Variants in NOL4 observed in about 807,000 individuals in gnomAD.
The protein encoded by NOL4 is cancer/testis antigen 125.
A neutral mutation model predicts 75.9 loss-of-function variants in NOL4; 17 were observed. The observed-to-expected ratio is 0.22, with a 90% confidence interval of 0.15 to 0.34. NOL4 has a LOEUF of 0.34. NOL4 is among the 10% of genes least tolerant of loss of function. The pLI, the probability that NOL4 is intolerant of heterozygous loss-of-function variation, is 1.00. For synonymous variants in NOL4, 292 were observed against 289.9 expected (o/e 1.01, Z -0.07); for missense variants, 614 against 793.5 (o/e 0.77, Z 2.72).
Position 34,083,706 on chromosome 18 carries a change from G to C in NOL4, c.772+9759C>G, listed in dbSNP as rs559859686. 2.0e-5 allele frequency among the ~76,000 whole-genome samples: 3 copies of C among 152,222 alleles called. No homozygotes were observed. The South Asian group carries it at 6.2e-4, about 32-fold the overall frequency. ...CTAGTGTCAATATTTATGGCTGAGA[G>C]GTCTTTTATGCTGTCTTCTTAATGA... is the stretch of plus-strand genomic sequence containing the variant. On this transcript the variant is annotated intron_variant, in intron 5 of 10. Coordinates refer to ENST00000261592, the MANE Select transcript of NOL4 (RefSeq NM_003787.5).
At chr18:33,883,183 G>A (rs923938014) in intron 10 of NOL4, 61 bp downstream of exon 10, 15 of 1,316,386 alleles carry the variant, frequency 1.1e-5, no homozygotes, top group Admixed American at 2.2e-5. Context: ...ATGTGCACAT[G>A]TACCCTAAAA....
intron 2 of NOL4, among the ~76,000 whole-genome samples, chr18:34,124,588 G>T (rs549040244): frequency 3.5e-4 from 53 of 152,088 alleles, no homozygotes; most frequent in Middle Eastern, 6.8e-3. Flanking sequence ...ACGCTATTAG[G>T]TGTGATGCCA....
intron 6 of NOL4, among the ~76,000 whole-genome samples, chr18:33,986,892 T>A (rs929659376): frequency 1.3e-5 from 2 of 152,060 alleles, no homozygotes; most frequent in Middle Eastern, 3.2e-3. Flanking sequence ...GTAAATAAAT[T>A]GTGGTAGATC....
At chr18:34,088,825 T>C (rs2078369605) in intron 5 of NOL4, among the ~76,000 whole-genome samples, 2 of 152,148 alleles carry the variant, frequency 1.3e-5, no homozygotes, top group Non-Finnish European at 2.9e-5. Flanking sequence ...TATGTTTTTA[T>C]TGAGTTAGGG....
intron 6 of NOL4, among the ~76,000 whole-genome samples, chr18:33,983,400 G>A (rs1340325985): frequency 6.8e-6 from 1 of 148,034 alleles, no homozygotes; most frequent in Non-Finnish European, 1.5e-5. Flanking sequence ...GGTGAGGGAT[G>A]TTGATAGTAG....
chr18:34,090,837 G>A (rs566199697), intron 5 of NOL4, among the ~76,000 whole-genome samples: 32 of 152,148 alleles, frequency 2.1e-4, no homozygotes, highest in Non-Finnish European at 4.3e-4. Context: ...GAAATAACGG[G>A]AAAACTCTTT....
intron 6 of NOL4, among the ~76,000 whole-genome samples, chr18:33,960,977 T>C (rs1440000403): frequency 6.6e-6 from 1 of 152,066 alleles, no homozygotes; most frequent in Non-Finnish European, 1.5e-5. Flanking sequence ...ATATATGTAT[T>C]TTATATGGGC....
chr18:33,861,454 TG>T (rs1412035143), intron 10 of NOL4, among the ~76,000 whole-genome samples: 2 of 152,202 alleles, frequency 1.3e-5, no homozygotes, highest in East Asian at 3.9e-4. Flanking sequence ...GATGGTAGTT[TG>T]TATTTCTGTG....
chr18:33,998,893 T>G (rs1256113073), intron 6 of NOL4, among the ~76,000 whole-genome samples: 1 of 152,122 alleles, frequency 6.6e-6, no homozygotes, highest in Non-Finnish European at 1.5e-5. Flanking sequence ...ATGCTTCACT[T>G]ACATTTTTCA....
At chr18:33,863,075 G>A (rs1407517825) in intron 10 of NOL4, among the ~76,000 whole-genome samples, 1 of 152,142 alleles carries the variant, frequency 6.6e-6, no homozygotes, top group East Asian at 1.9e-4. Context: ...TATACACCAT[G>A]GAATACTATG....
At position 33,970,032 on chromosome 18, in the gene NOL4, C is replaced by T. The variant is rs555769563; in HGVS notation, c.1057-11614G>A. On this transcript the variant is annotated intron_variant, in intron 6 of 10. Transcript: ENST00000261592. ...GGACTTGGTAAAACAAGTTACTGGA[C>T]CCATTCAGTAGGTCTACAGTGGGGT... Among the ~76,000 whole-genome samples the T allele has an allele frequency of 5.3e-5, 8 of 152,244 alleles. No individual in the cohort carries two copies. In the South Asian group the frequency reaches 1.7e-3, roughly 32 times the overall value.
chr18:34,027,919 T>C (rs181069591), intron 5 of NOL4, among the ~76,000 whole-genome samples: 1 of 152,276 alleles, frequency 6.6e-6, no homozygotes, highest in East Asian at 1.9e-4. Flanking sequence ...ATAATGAGTA[T>C]CCTTTTTATA....
intron 9 of NOL4, among the ~76,000 whole-genome samples, chr18:33,896,543 T>C (rs576878933): frequency 6.6e-6 from 1 of 152,286 alleles, no homozygotes; most frequent in Non-Finnish European, 1.5e-5. Context: ...AGATTTCCTA[T>C]TCAATAAATG....
At position 34,128,275 on chromosome 18, in the gene NOL4, C is replaced by T. The variant is rs558469391; in HGVS notation, c.414+1596G>A. ...TTGGCTGCCACACTACTATTGACAA[C>T]GAAACCACTTGATTTTTGCTTGTTA... On this transcript the variant is annotated intron_variant, in intron 2 of 10. Transcript: ENST00000261592. 1.6e-4 allele frequency among the ~76,000 whole-genome samples: 25 copies of T among 151,938 alleles called. No homozygotes were observed. In the South Asian group the frequency reaches 3.7e-3, roughly 23 times the overall value.
At chr18:33,903,318 A>G in intron 9 of NOL4, among the ~76,000 whole-genome samples, 1 of 152,144 alleles carries the variant, frequency 6.6e-6, no homozygotes, top group East Asian at 1.9e-4. Context: ...CATGGGGGAA[A>G]CTGCATCCAT....
chr18:33,965,046 T>C (rs977159636), intron 6 of NOL4, among the ~76,000 whole-genome samples: 2 of 152,166 alleles, frequency 1.3e-5, no homozygotes, highest in East Asian at 1.9e-4. Context: ...GGAAAATATA[T>C]AGTAACATGG....
At chr18:33,940,324 G>T (rs1181602695) in intron 9 of NOL4, among the ~76,000 whole-genome samples, 1 of 152,030 alleles carries the variant, frequency 6.6e-6, no homozygotes, top group Non-Finnish European at 1.5e-5. Context: ...TTATAGACTG[G>T]ATAAAGAAAA....
chr18:33,922,217 T>C (rs1419367768), intron 9 of NOL4, among the ~76,000 whole-genome samples: 1 of 152,180 alleles, frequency 6.6e-6, no homozygotes, highest in African/African-American at 2.4e-5. Flanking sequence ...AGATAATAAA[T>C]TCCCTTCTGC....
chr18:34,095,165 A>G (rs2078713835), intron 4 of NOL4, among the ~76,000 whole-genome samples: 3 of 152,048 alleles, frequency 2.0e-5, no homozygotes, highest in Admixed American at 6.6e-5. Flanking sequence ...TGTCAGATCC[A>G]TGGACAATCA....
Sources: allele counts gnomAD v4.1 joint callset (sites outside exome capture counted in the v4.1 genomes callset), GRCh38; gene constraint gnomAD v4.1.1; transcripts MANE v1.5; gene names NCBI Gene and HGNC (gene_info 2026-07-23, HGNC 2026-07-21).